Variants in KCNK1 observed in about 807,000 individuals in gnomAD.
KCNK1 encodes potassium two pore domain channel subfamily K member 1.
KCNK1 carries 10 observed loss-of-function variants against 22.2 expected under a neutral mutation model. That is an observed-to-expected ratio of 0.45 (90% CI 0.28 to 0.76). KCNK1 has a LOEUF of 0.76. Ranked by LOEUF, KCNK1 falls within the 30% of genes least tolerant of loss-of-function variation. The pLI, the probability that KCNK1 is intolerant of heterozygous loss-of-function variation, is 0.14. For missense variants in KCNK1, 378 were observed against 421.0 expected, an observed-to-expected ratio of 0.90 and a Z score of 0.89; for synonymous variants, 200 against 186.4, an observed-to-expected ratio of 1.07 and a Z score of -0.60.
chr1:233,644,552 G>T lies in KCNK1; in HGVS notation c.356-22043G>T, dbSNP rs557249991. 6.6e-5 allele frequency among the ~76,000 whole-genome samples: 10 copies of T among 152,306 alleles called. No homozygotes were observed. In the South Asian group the frequency reaches 2.1e-3, roughly 32 times the overall value. ...CTGAGCTTGAGCATGACTGGGGAGG[G>T]AGTGAGGCTATTATAGGAAGGGTGA... is the stretch of plus-strand genomic sequence containing the variant. On this transcript the variant is annotated intron_variant, in intron 1 of 2. Coordinates refer to ENST00000366621, the MANE Select transcript of KCNK1 (RefSeq NM_002245.4).
intron 1 of KCNK1, among the ~76,000 whole-genome samples, chr1:233,662,398 G>A (rs1375415629): frequency 6.6e-6 from 1 of 152,122 alleles, no homozygotes; most frequent in Non-Finnish European, 1.5e-5. Flanking sequence ...TACAGACTCA[G>A]GGTCACAACG....
chr1:233,645,982 A>G (rs761513060), intron 1 of KCNK1, among the ~76,000 whole-genome samples: 4 of 152,186 alleles, frequency 2.6e-5, no homozygotes, highest in African/African-American at 4.8e-5. Flanking sequence ...TGTTACCTGA[A>G]ATGAGGAAGA....
chr1:233,664,949 G>C (rs1443295936), intron 1 of KCNK1, among the ~76,000 whole-genome samples: 1 of 152,162 alleles, frequency 6.6e-6, no homozygotes, highest in Admixed American at 6.5e-5. Flanking sequence ...GTTCAGACAT[G>C]TTAGTTCTTT....
chr1:233,645,732 G>A (rs904763467), intron 1 of KCNK1, among the ~76,000 whole-genome samples: 4 of 152,252 alleles, frequency 2.6e-5, no homozygotes, highest in African/African-American at 7.2e-5. Context: ...TAGGCTTGGC[G>A]TACATTAGGG....
Position 233,614,516 on chromosome 1 carries a change from C to T in KCNK1, c.345C>T (p.Leu115=), listed in dbSNP as rs540729711. 2 of 1,595,190 alleles carry T rather than the reference C, an allele frequency of 1.3e-6. No individual in the cohort carries two copies. The highest frequency in any genetic ancestry group is 1.7e-5 in the Admixed American group (1 of 58,658). The change falls in exon 1 of 3, where the codon CTC becomes CTT. Residue 115 remains leucine (L), a synonymous_variant. Coordinates refer to ENST00000366621, the MANE Select transcript of KCNK1 (RefSeq NM_002245.4). ...CGCTCTTCTTCGCCAGCACCGTGCT[C>T]TCCACCACAGGTAGGGTATCCTGCG... The part of the protein sequence containing the change: ...TSALFFASTV[L]STTGYGHTVP...
At chr1:233,614,569 C>G in intron 1 of KCNK1, 43 bp downstream of exon 1, 1 of 1,452,450 alleles carries the variant, frequency 6.9e-7, no homozygotes, top group Non-Finnish European at 9.3e-7. Context: ...GGCCACCTCG[C>G]CCACAACCCA....
rs139633732 is a variant in KCNK1, at chr1:233,641,962, G to T, written c.356-24633G>T. Reference sequence around the variant, plus strand: ...TAGTGAATAAAATTTGTTGATATCAGTTCCTCTGGTGTCATCTCAAGTTTG... The same window carrying T: ...TAGTGAATAAAATTTGTTGATATCATTTCCTCTGGTGTCATCTCAAGTTTG... On this transcript the variant is annotated intron_variant, in intron 1 of 2. Transcript: ENST00000366621. Among the ~76,000 whole-genome samples, 175 of 152,328 alleles carry T rather than the reference G, an allele frequency of 1.1e-3. 1 individual carries two copies. Among genetic ancestry groups the T allele is most frequent in the Non-Finnish European group, 1.8e-3 (123 of 68,040 alleles).
intron 1 of KCNK1, among the ~76,000 whole-genome samples, chr1:233,664,644 C>CTG (rs1455542837): frequency 6.6e-6 from 1 of 152,214 alleles, no homozygotes; most frequent in Non-Finnish European, 1.5e-5. Flanking sequence ...CATTCATAAA[C>CTG]TGTGTACCTT....
chr1:233,654,855 G>A (rs1417546051), intron 1 of KCNK1, among the ~76,000 whole-genome samples: 1 of 152,212 alleles, frequency 6.6e-6, no homozygotes, highest in East Asian at 1.9e-4. Context: ...GGAACCTGTT[G>A]CTCAAGGTGA....
At chr1:233,628,929 TTGG>T (rs72038056) in intron 1 of KCNK1, among the ~76,000 whole-genome samples, 1,834 of 152,206 alleles carry the variant, frequency 0.012, 33 homozygotes, top group East Asian at 0.057. Context: ...GAACTGGGGA[TTGG>T]TGGCCTGGGT....
At chr1:233,627,318 A>C (rs1374832950) in intron 1 of KCNK1, among the ~76,000 whole-genome samples, 2 of 152,210 alleles carry the variant, frequency 1.3e-5, no homozygotes, top group Non-Finnish European at 2.9e-5. Context: ...TTTAAACTAG[A>C]ATTAAAAGGT....
intron 1 of KCNK1, among the ~76,000 whole-genome samples, chr1:233,656,992 A>C (rs966258115): frequency 6.6e-5 from 10 of 152,224 alleles, no homozygotes; most frequent in Non-Finnish European, 1.3e-4. Context: ...ATACTCTGTC[A>C]GAGAATTAGA....
At chr1:233,614,620 C>T (rs1657450451) in intron 1 of KCNK1, 94 bp downstream of exon 1, 1 of 944,762 alleles carries the variant, frequency 1.1e-6, no homozygotes, top group South Asian at 1.7e-5. Context: ...CTAACCCTCC[C>T]ACCCCACCCC....
At chr1:233,636,443 G>A (rs1262297372) in intron 1 of KCNK1, 3 of 152,192 alleles carry the variant, frequency 2.0e-5, no homozygotes, top group African/African-American at 7.2e-5. Context: ...CTGGTGGATT[G>A]GAAATGAGTG....
intron 1 of KCNK1, among the ~76,000 whole-genome samples, chr1:233,652,824 T>C (rs954047627): frequency 6.6e-6 from 1 of 152,220 alleles, no homozygotes; most frequent in Non-Finnish European, 1.5e-5. Context: ...GCCATGCTGG[T>C]GGACATGCCT....
chr1:233,657,342 G>A (rs1364089162), intron 1 of KCNK1, among the ~76,000 whole-genome samples: 1 of 152,110 alleles, frequency 6.6e-6, no homozygotes, highest in Admixed American at 6.5e-5. Flanking sequence ...GGAATTGGGG[G>A]AAAGCTGTAT....
At chr1:233,628,246 T>C (rs1657723780) in intron 1 of KCNK1, among the ~76,000 whole-genome samples, 2 of 152,186 alleles carry the variant, frequency 1.3e-5, no homozygotes, top group South Asian at 4.1e-4. Context: ...TGAATACTAT[T>C]GAAAAGTCCA....
rs1053422085 is a variant in KCNK1, at chr1:233,671,620, C to T, written c.*90C>T. ...GTTCATTTTTATCAGAATGCAAAAG[C>T]GAAAATTATGTCACTTTAAGAAATA... On this transcript the variant is annotated 3_prime_UTR_variant, in exon 3 of 3. Coordinates refer to ENST00000366621, the MANE Select transcript of KCNK1 (RefSeq NM_002245.4). 145 of 1,437,262 alleles carry T rather than the reference C, an allele frequency of 1.0e-4. No individual in the cohort carries two copies. The highest frequency in any genetic ancestry group is 3.3e-5 in the Non-Finnish European group (35 of 1,051,090). 89.0% of individuals were successfully genotyped at this position (1,437,262 alleles called of 1,614,324 possible).
intron 1 of KCNK1, chr1:233,650,179 G>C (rs946538631): frequency 1.3e-5 from 5 of 382,144 alleles, no homozygotes; most frequent in Admixed American, 1.3e-4. Context: ...ATGTGATCTT[G>C]GTGAGCAGCT....
Sources: gnomAD v4.1 joint callset for allele counts (sites outside exome capture counted in the v4.1 genomes callset) on GRCh38, gnomAD v4.1.1 for gene constraint, MANE v1.5 for transcripts, NCBI Gene and HGNC (gene_info 2026-07-23, HGNC 2026-07-21) for gene names.